GLI3: variants seen among roughly 807,000 people sequenced by gnomAD.
GLI3 encodes GLI family zinc finger 3, also known as transcription activator GLI3.
In GLI3, 20 loss-of-function variants were observed where a neutral mutation model predicts 100.8. The observed-to-expected ratio is 0.20, with a 90% confidence interval of 0.14 to 0.29. The LOEUF is 0.29. GLI3 is among the 10% of genes least tolerant of loss of function. The pLI, the probability that GLI3 is intolerant of heterozygous loss-of-function variation, is 1.00. For synonymous variants in GLI3, 938 were observed against 860.5 expected, an observed-to-expected ratio of 1.09 and a Z score of -1.58; for missense variants, 2,040 against 2,128.5, an observed-to-expected ratio of 0.96 and a Z score of 0.82.
intron 2 of GLI3, among the ~76,000 whole-genome samples, chr7:42,170,328 A>G (rs1442609880): frequency 6.7e-6 from 1 of 149,866 alleles, no homozygotes; most frequent in Non-Finnish European, 1.5e-5. Flanking sequence ...CTCAATGTAG[A>G]AATAAATGTG....
upstream of GLI3, among the ~76,000 whole-genome samples, chr7:42,237,561 C>T (rs532701726): frequency 1.3e-5 from 2 of 151,394 alleles, no homozygotes; most frequent in South Asian, 4.2e-4. Flanking sequence ...CTTCCCTTCT[C>T]TCCTCCTCTT....
At chr7:42,007,438 T>C (rs1464781726) in intron 10 of GLI3, among the ~76,000 whole-genome samples, 1 of 152,094 alleles carries the variant, frequency 6.6e-6, no homozygotes, top group African/African-American at 2.4e-5. Flanking sequence ...AAGTTTTATA[T>C]CCTTCAGGTT....
chr7:42,163,448 G>C (rs1474618227), intron 2 of GLI3, among the ~76,000 whole-genome samples: 1 of 148,040 alleles, frequency 6.8e-6, no homozygotes, highest in Non-Finnish European at 1.5e-5. Context: ...TTTTTTTTGA[G>C]ACAGAGTTTT....
At chr7:42,052,460 G>C (rs1299115507) in intron 4 of GLI3, among the ~76,000 whole-genome samples, 1 of 152,168 alleles carries the variant, frequency 6.6e-6, no homozygotes, top group Non-Finnish European at 1.5e-5. Flanking sequence ...AAATGCAAGG[G>C]CTTTGAAGGA....
intron 1 of GLI3, among the ~76,000 whole-genome samples, chr7:42,262,993 T>C (rs1789161187): frequency 6.6e-6 from 1 of 151,934 alleles, no homozygotes; most frequent in African/African-American, 2.4e-5. Flanking sequence ...ATATGGTCTT[T>C]GGCGAGAGCT....
At chr7:42,234,709 G>A (rs1268510180) in intron 1 of GLI3, among the ~76,000 whole-genome samples, 1 of 152,070 alleles carries the variant, frequency 6.6e-6, no homozygotes, top group Non-Finnish European at 1.5e-5. Context: ...TTCTGCTTGT[G>A]TGAAATTTCA....
intron 3 of GLI3, among the ~76,000 whole-genome samples, chr7:42,080,758 G>C (rs1464731722): frequency 6.6e-6 from 1 of 152,124 alleles, no homozygotes; most frequent in Non-Finnish European, 1.5e-5. Context: ...ATCCTCAAAC[G>C]TTGAGTACTT....
intron 2 of GLI3, among the ~76,000 whole-genome samples, chr7:42,211,709 C>T (rs1348078134): frequency 6.6e-6 from 1 of 152,190 alleles, no homozygotes; most frequent in Non-Finnish European, 1.5e-5. Flanking sequence ...TCGACATTAA[C>T]TAAGCCTAGT....
chr7:41,972,326 G>A lies in GLI3; in HGVS notation c.2103+11C>T. ...CCTGCTGTGAAGTCAGAAGGAGAGT[G>A]AATGACATACCATTGGCTTCTCTGC... On this transcript the variant is annotated intron_variant, in intron 13 of 14. Transcript: ENST00000395925. This position sits in a 1 kb window ranked among gnomAD's most constrained non-coding sequence, Gnocchi z 4.4. 1 of 1,612,524 alleles carries A rather than the reference G, an allele frequency of 6.2e-7. No individual in the cohort carries two copies. The highest frequency in any genetic ancestry group is 8.5e-7 in the Non-Finnish European group (1 of 1,178,828).
intron 3 of GLI3, among the ~76,000 whole-genome samples, chr7:42,089,199 T>A (rs2128755971): frequency 6.6e-6 from 1 of 152,226 alleles, no homozygotes; most frequent in Non-Finnish European, 1.5e-5. Flanking sequence ...CCTCAACACA[T>A]GGATGCGTAA....
At chr7:41,982,805 G>A (rs1787710944) in intron 10 of GLI3, among the ~76,000 whole-genome samples, 1 of 152,148 alleles carries the variant, frequency 6.6e-6, no homozygotes, top group Non-Finnish European at 1.5e-5. Context: ...AATGGAGGAA[G>A]CATTCCAGAC....
intron 2 of GLI3, among the ~76,000 whole-genome samples, chr7:42,216,866 G>A (rs1230957439): frequency 6.6e-6 from 1 of 152,198 alleles, no homozygotes; most frequent in East Asian, 1.9e-4. Context: ...TATGCGATGG[G>A]ATAGTAGCAT....
At chr7:42,125,839 T>C (rs1193686837) in intron 3 of GLI3, among the ~76,000 whole-genome samples, 1 of 152,148 alleles carries the variant, frequency 6.6e-6, no homozygotes, top group East Asian at 1.9e-4. Context: ...GGCGCCAAGA[T>C]AGGAAAGCTG....
chr7:41,966,602 A>G lies in GLI3; in HGVS notation c.2471T>C (p.Met824Thr). Residue 824 changes from methionine to threonine, a missense_variant, in exon 15 of 15, where the codon ATG (methionine) becomes ACG (threonine). Physicochemically the swap from Met to Thr is moderately conservative, Grantham distance 81. Transcript: ENST00000395925. The surrounding 1 kb of genome is among the most constrained non-coding windows in gnomAD (Gnocchi z 5.8). ...GTCGCTTCTGCCCGGGAGAAGCGTC[A>G]TGGGCCCACCCAAGCTGCAGGTGTT... ...SNNTCSLGGPMTLLPGRSDLS... is the reference protein window; with the variant it reads ...SNNTCSLGGPTTLLPGRSDLS... 8 of 1,614,098 alleles carry G rather than the reference A, an allele frequency of 5.0e-6. No homozygotes were observed. Among genetic ancestry groups the G allele is most frequent in the Middle Eastern group, 1.6e-4 (1 of 6,062 alleles).
chr7:42,224,925 A>C (rs1400731312), intron 1 of GLI3, among the ~76,000 whole-genome samples: 1 of 152,196 alleles, frequency 6.6e-6, no homozygotes, highest in African/African-American at 2.4e-5. Flanking sequence ...ACATCTTAAG[A>C]AGGTGTTAAA....
chr7:42,222,703 C>T (rs1788508959), intron 2 of GLI3: 1 of 189,294 alleles, frequency 5.3e-6, no homozygotes, highest in African/African-American at 2.4e-5. Context: ...AAGTAGACTA[C>T]TTAAAGTTGG....
At chr7:42,152,324 C>A (rs1786891795) in intron 2 of GLI3, 2 of 821,492 alleles carry the variant, frequency 2.4e-6, no homozygotes, top group Non-Finnish European at 2.9e-6. Context: ...CTAGAAGATG[C>A]GGAGTATAAG....
chr7:42,041,285 A>C (rs764714815), intron 6 of GLI3, among the ~76,000 whole-genome samples: 4 of 152,190 alleles, frequency 2.6e-5, no homozygotes, highest in East Asian at 1.9e-4. Flanking sequence ...AGTAACTCAA[A>C]CTTAAATGCA....
Position 42,023,619 on chromosome 7 carries a change from A to C in GLI3, c.1357-11T>G. ...TCCTTCGGGCTGTTCCTGAAAGAAG[A>C]GGGTGGGGGGCAGGGAACAGAGAAG... On this transcript the variant is annotated splice_polypyrimidine_tract_variant and intron_variant, in intron 9 of 14. Coordinates refer to ENST00000395925, the MANE Select transcript of GLI3 (RefSeq NM_000168.6). 6 of 793,778 alleles carry C rather than the reference A, an allele frequency of 7.6e-6. No homozygotes were observed. Among genetic ancestry groups the C allele is most frequent in the Non-Finnish European group, 1.2e-5 (6 of 499,198 alleles). 49.2% of individuals were successfully genotyped at this position (793,778 alleles called of 1,614,324 possible).
Sources: gnomAD v4.1 joint callset for allele counts (sites outside exome capture counted in the v4.1 genomes callset) on GRCh38, gnomAD v4.1.1 for gene constraint, Gnocchi (gnomAD v3.1) non-coding constraint, MANE v1.5 for transcripts, NCBI Gene and HGNC (gene_info 2026-07-23, HGNC 2026-07-21) for gene names.